Variants in FIG4 observed in about 807,000 individuals in gnomAD.
The protein encoded by FIG4 is polyphosphoinositide phosphatase.
FIG4 carries 112 observed loss-of-function variants against 118.6 expected under a neutral mutation model. The ratio of observed to expected loss-of-function variants is 0.94; its 90% CI spans 0.81 to 1.11. The LOEUF (loss-of-function observed/expected upper bound fraction) is 1.11. Among genes scored for constraint, FIG4 ranks in the 50% least tolerant of loss-of-function variants. The pLI, the probability that FIG4 is intolerant of heterozygous loss-of-function variation, is 0.00. For missense variants in FIG4, 969 were observed against 1,111.7 expected, an observed-to-expected ratio of 0.87 and a Z score of 1.83; for synonymous variants, 369 against 381.2, an observed-to-expected ratio of 0.97 and a Z score of 0.37.
chr6:109,711,654 G>T (rs1469307764), intron 1 of FIG4, among the ~76,000 whole-genome samples: 1 of 151,890 alleles, frequency 6.6e-6, no homozygotes, highest in African/African-American at 2.4e-5. Context: ...TGAGCCTGTG[G>T]GTTTCATTGC....
intron 10 of FIG4, among the ~76,000 whole-genome samples, chr6:109,749,829 A>G (rs1776637029): frequency 6.6e-6 from 1 of 152,172 alleles, no homozygotes; most frequent in African/African-American, 2.4e-5. Context: ...GTGGATTTTA[A>G]AGTTGTACTT....
intron 16 of FIG4, among the ~76,000 whole-genome samples, chr6:109,780,126 T>C (rs1286418463): frequency 6.6e-6 from 1 of 152,164 alleles, no homozygotes; most frequent in Non-Finnish European, 1.5e-5. Flanking sequence ...GAGACAATAA[T>C]AGTACCTAAC....
At chr6:109,778,747 C>T (rs1262695834) in intron 16 of FIG4, among the ~76,000 whole-genome samples, 3 of 152,040 alleles carry the variant, frequency 2.0e-5, no homozygotes, top group South Asian at 4.1e-4. Context: ...TATGGGTGCC[C>T]ACCACCATGC....
rs895897768 is a variant in FIG4 at position 109,791,126 on chromosome 6, T to A, written c.2181-250T>A. Among the ~76,000 whole-genome samples, 7 of 152,308 alleles carry A rather than the reference T, an allele frequency of 4.6e-5. No individual in the cohort carries two copies. In the East Asian group the frequency reaches 1.4e-3, roughly 29 times the overall value. On this transcript the variant is annotated intron_variant, in intron 19 of 22. Coordinates refer to ENST00000230124, the MANE Select transcript of FIG4 (RefSeq NM_014845.6). ...CATGGTAACCAAGTGGTGAGAAGAT[T>A]TTTTCACGCTCTGCAAGTAATTTTC... is the stretch of plus-strand genomic sequence containing the variant.
intron 22 of FIG4, among the ~76,000 whole-genome samples, chr6:109,824,722 T>A (rs1199216061): frequency 6.6e-6 from 1 of 152,134 alleles, no homozygotes; most frequent in Non-Finnish European, 1.5e-5. Flanking sequence ...AACCAGTGAG[T>A]CCCTAGCGTG....
chr6:109,698,188 T>C (rs1269412075), intron 1 of FIG4, among the ~76,000 whole-genome samples: 1 of 149,764 alleles, frequency 6.7e-6, no homozygotes, highest in Non-Finnish European at 1.5e-5. Flanking sequence ...GTGCCTGGCC[T>C]GTTTTTTTTT....
At chr6:109,808,579 C>CT in intron 22 of FIG4, among the ~76,000 whole-genome samples, 1 of 152,120 alleles carries the variant, frequency 6.6e-6, no homozygotes. Flanking sequence ...TGGTGATTGT[C>CT]TAAGTTGTGA....
rs577819137 is a variant in FIG4 at position 109,756,340 on chromosome 6, C to G, written c.1138-3910C>G. Among the ~76,000 whole-genome samples the G allele has an allele frequency of 2.6e-4, 40 of 152,276 alleles. 2 individuals are homozygous for G. In the South Asian group the frequency reaches 7.7e-3, roughly 29 times the overall value. On this transcript the variant is annotated intron_variant, in intron 10 of 22. Coordinates refer to ENST00000230124, the MANE Select transcript of FIG4 (RefSeq NM_014845.6). ...CTGTTGGGCTTCCCTTTGTGGGTAACCTGACCTTTCTCTCTGGCTGCCCTT... is the reference window on the plus strand; with the variant it reads ...CTGTTGGGCTTCCCTTTGTGGGTAAGCTGACCTTTCTCTCTGGCTGCCCTT...
chr6:109,783,500 A>T (rs57766994), intron 16 of FIG4, among the ~76,000 whole-genome samples: 2,424 of 152,250 alleles, frequency 0.016, 58 homozygotes, highest in East Asian at 0.11. Flanking sequence ...GAAACTTGTT[A>T]TGGCTAGGGA....
chr6:109,716,360 A>C (rs898004903), intron 2 of FIG4, 85 bp from the exon 3 acceptor site: 1 of 1,364,422 alleles, frequency 7.3e-7, no homozygotes, highest in Non-Finnish European at 1.0e-6. Context: ...TGATGCTTGT[A>C]GGTAACTTTT....
At chr6:109,723,490 A>G (rs1439500766) in intron 3 of FIG4, among the ~76,000 whole-genome samples, 1 of 152,242 alleles carries the variant, frequency 6.6e-6, no homozygotes, top group Non-Finnish European at 1.5e-5. Flanking sequence ...CAGAAATGAT[A>G]TTTGTGGAAG....
At chr6:109,819,537 C>T (rs767833452) in intron 22 of FIG4, among the ~76,000 whole-genome samples, 2 of 152,150 alleles carry the variant, frequency 1.3e-5, no homozygotes, top group Non-Finnish European at 2.9e-5. Flanking sequence ...GGCCTGATCT[C>T]GGCTCACTGC....
intron 15 of FIG4, among the ~76,000 whole-genome samples, chr6:109,770,874 A>G (rs2128393517): frequency 6.6e-6 from 1 of 152,304 alleles, no homozygotes; most frequent in East Asian, 1.9e-4. Context: ...CAGGGTTTCA[A>G]AGCTTATCAC....
At chr6:109,795,095 GTTTTTTTTTTTTTTTTTTTTTTTTT>G (rs571649446) in intron 21 of FIG4, among the ~76,000 whole-genome samples, 1 of 57,194 alleles carries the variant, frequency 1.7e-5, no homozygotes, top group East Asian at 5.1e-4. Flanking sequence ...ACACTTGCCA[GTTTTTTTTTTTTTTTTTTTTTTTTT>G]TTTTTTTTTT....
At chr6:109,744,123 C>G (rs535004896) in intron 10 of FIG4, among the ~76,000 whole-genome samples, 1 of 152,210 alleles carries the variant, frequency 6.6e-6, no homozygotes, top group African/African-American at 2.4e-5. Flanking sequence ...TGAAATCAAA[C>G]TGTCACAGCC....
At chr6:109,758,542 G>A (rs1353760088) in intron 10 of FIG4, among the ~76,000 whole-genome samples, 2 of 152,146 alleles carry the variant, frequency 1.3e-5, no homozygotes, top group Non-Finnish European at 2.9e-5. Flanking sequence ...CAGGACATAG[G>A]CATAGGCAAA....
chr6:109,824,656 G>A (rs1779106015), intron 22 of FIG4, among the ~76,000 whole-genome samples: 1 of 152,166 alleles, frequency 6.6e-6, no homozygotes, highest in Non-Finnish European at 1.5e-5. Context: ...AACTATGTGA[G>A]GTAGGCATTC....
intron 4 of FIG4, 61 bp from the exon 5 acceptor site, chr6:109,732,576 T>G: frequency 6.7e-6 from 6 of 896,658 alleles, no homozygotes; most frequent in South Asian, 1.3e-5. Flanking sequence ...TGGGTACATG[T>G]TAAACTGTGA....
At chr6:109,743,574 G>T in intron 9 of FIG4, 101 bp from the exon 10 acceptor site, 1 of 853,154 alleles carries the variant, frequency 1.2e-6, no homozygotes. Flanking sequence ...ACTATTGAAA[G>T]ATTAGTTGAA....
Sources: gnomAD v4.1 joint callset for allele counts (sites outside exome capture counted in the v4.1 genomes callset) on GRCh38, gnomAD v4.1.1 for gene constraint, MANE v1.5 for transcripts, NCBI Gene and HGNC (gene_info 2026-07-23, HGNC 2026-07-21) for gene names.